The following TTLL11 variants were observed in gnomAD, a reference collection of about 807,000 sequenced individuals.
TTLL11 encodes tubulin tyrosine ligase like 11.
TTLL11 carries 42 observed loss-of-function variants against 51.7 expected under a neutral mutation model. The ratio of observed to expected loss-of-function variants is 0.81; its 90% CI spans 0.64 to 1.05. The LOEUF is 1.05. Among genes scored for constraint, TTLL11 ranks in the 50% least tolerant of loss-of-function variants. The pLI is 0.00. For missense variants in TTLL11, 799 were observed against 940.4 expected, an observed-to-expected ratio of 0.85 and a Z score of 1.97; for synonymous variants, 381 against 383.5, an observed-to-expected ratio of 0.99 and a Z score of 0.08.
At chr9:122,062,575 TCTC>T (rs532640307) in intron 1 of TTLL11, among the ~76,000 whole-genome samples, 1 of 143,510 alleles carries the variant, frequency 7.0e-6, no homozygotes, top group Non-Finnish European at 1.5e-5. Flanking sequence ...TTCAAGCAAT[TCTC>T]CTGCCTCAGC....
At chr9:121,960,738 G>A (rs7850221) in intron 6 of TTLL11, among the ~76,000 whole-genome samples, 11,814 of 152,190 alleles carry the variant, frequency 0.078, 698 homozygotes, top group African/African-American at 0.16. Context: ...GCGCAGTCCG[G>A]GGGAAGAAAA....
chr9:121,992,573 A>G (rs991701321), intron 3 of TTLL11, among the ~76,000 whole-genome samples: 1 of 152,232 alleles, frequency 6.6e-6, no homozygotes, highest in Non-Finnish European at 1.5e-5. Context: ...ATCTGAAACC[A>G]ACATATTGAA....
At chr9:121,902,229 C>T (rs923898548) in intron 6 of TTLL11, among the ~76,000 whole-genome samples, 2 of 152,130 alleles carry the variant, frequency 1.3e-5, no homozygotes, top group African/African-American at 4.8e-5. Context: ...TAAAATAGAT[C>T]CTCCGTATTT....
Position 121,989,922 on chromosome 9 carries a change from C to A in TTLL11, c.694-152G>T. The A allele has an allele frequency of 1.4e-6, 2 of 1,450,092 alleles. No homozygotes were observed. 89.8% of individuals were successfully genotyped at this position (1,450,092 alleles called of 1,614,324 possible). A position where few individuals can be genotyped will look rare whatever the true frequency, so the allele number is the denominator to read the frequency against. ...CTGAGCATCTTCCATGGAGATGACA[C>A]TGCACAAGGTACTGAGATGGTGACA... On this transcript the variant is annotated intron_variant, in intron 3 of 8. Coordinates refer to ENST00000321582, the MANE Select transcript of TTLL11 (RefSeq NM_001139442.2). The surrounding 1 kb of genome is among the most constrained non-coding windows in gnomAD (Gnocchi z 4.2).
At position 121,890,791 on chromosome 9, in the gene TTLL11, G is replaced by A. The variant is rs908582412; in HGVS notation, c.1482-20043C>T. Among the ~76,000 whole-genome samples, 2 of 151,992 alleles carry A rather than the reference G, an allele frequency of 1.3e-5. No individual in the cohort carries two copies. Among genetic ancestry groups the A allele is most frequent in the Non-Finnish European group, 2.9e-5 (2 of 68,036 alleles). On this transcript the variant is annotated intron_variant, in intron 6 of 8. Transcript: ENST00000321582. The surrounding 1 kb of genome is among the most constrained non-coding windows in gnomAD (Gnocchi z 4.3). Reference sequence around the variant, plus strand: ...TGGCTAGGTGCATGAATGCATGAATGGGTGCATGAATGCATGAATGACTGG... The same window carrying A: ...TGGCTAGGTGCATGAATGCATGAATAGGTGCATGAATGCATGAATGACTGG...
At chr9:121,849,485 A>T (rs1302505446) in intron 8 of TTLL11, among the ~76,000 whole-genome samples, 1 of 152,224 alleles carries the variant, frequency 6.6e-6, no homozygotes. Flanking sequence ...CTGGGAGAAA[A>T]GTATATGCAA....
At position 121,989,781 on chromosome 9, in the gene TTLL11, A is replaced by G. The variant is rs368735368; in HGVS notation, c.694-11T>C. 4 of 1,575,814 alleles carry G rather than the reference A, an allele frequency of 2.5e-6. No individual in the cohort carries two copies. Among genetic ancestry groups the G allele is most frequent in the Non-Finnish European group, 3.4e-6 (4 of 1,160,728 alleles). On this transcript the variant is annotated splice_polypyrimidine_tract_variant and intron_variant, in intron 3 of 8. Coordinates refer to ENST00000321582, the MANE Select transcript of TTLL11 (RefSeq NM_001139442.2). The surrounding 1 kb of genome is among the most constrained non-coding windows in gnomAD (Gnocchi z 4.2). ...TTTCACCATTTGAACCTGGAGGGGG[A>G]AAAAAGGATGGCCGACATTATATTG...
intron 1 of TTLL11, among the ~76,000 whole-genome samples, chr9:122,050,920 C>A (rs1845140164): frequency 6.6e-6 from 1 of 152,048 alleles, no homozygotes; most frequent in Non-Finnish European, 1.5e-5. Context: ...AAAGCCTAAG[C>A]CAGAACCACC....
intron 3 of TTLL11, among the ~76,000 whole-genome samples, chr9:122,028,978 T>C (rs1844437375): frequency 6.6e-6 from 1 of 152,206 alleles, no homozygotes; most frequent in South Asian, 2.1e-4. Context: ...TGAATTATAA[T>C]GAAAATGTAA....
intron 6 of TTLL11, among the ~76,000 whole-genome samples, chr9:121,925,358 C>T (rs1370668268): frequency 5.9e-5 from 9 of 152,210 alleles, no homozygotes; most frequent in Non-Finnish European, 1.3e-4. Flanking sequence ...TAGGTGGGCT[C>T]CCAGATAGGG....
chr9:122,063,276 C>A (rs1845486319), intron 1 of TTLL11, among the ~76,000 whole-genome samples: 1 of 152,034 alleles, frequency 6.6e-6, no homozygotes. Flanking sequence ...TAATATAAAA[C>A]TTAGGTGAGT....
Position 122,031,811 on chromosome 9 carries a change from C to G in TTLL11, c.605G>C (p.Arg202Thr). ...CTCAGGAAAGAGATTCTGCATGGTT[C>G]TCACTGCTCTGCTCAGAGTAATTTT... ...VRKITLSRAV[R>T]TMQNLFPEEY... Residue 202 changes from arginine to threonine, a missense_variant, in exon 3 of 9, where the codon AGA (arginine) becomes ACA (threonine). Transcript: ENST00000321582. 1.2e-6 allele frequency: 2 copies of G among 1,614,120 alleles called. No homozygotes were observed. The highest frequency in any genetic ancestry group is 1.7e-6 in the Non-Finnish European group (2 of 1,180,018).
chr9:121,855,074 G>A (rs1837774513), intron 8 of TTLL11, among the ~76,000 whole-genome samples: 1 of 152,080 alleles, frequency 6.6e-6, no homozygotes, highest in African/African-American at 2.4e-5. Flanking sequence ...GGGTGCAGAC[G>A]GGGGGTTCCT....
chr9:121,824,510 AACTGAT>A (rs1836689445), intron 8 of TTLL11, among the ~76,000 whole-genome samples: 1 of 151,900 alleles, frequency 6.6e-6, no homozygotes, highest in African/African-American at 2.4e-5. Flanking sequence ...GAAAAAAAGA[AACTGAT>A]AGAGAGGTTA....
intron 4 of TTLL11, among the ~76,000 whole-genome samples, chr9:121,988,638 C>T (rs943874368): frequency 1.6e-4 from 25 of 152,194 alleles, no homozygotes; most frequent in African/African-American, 5.5e-4. Context: ...TCCCTGACCA[C>T]GCCACTCCCG....
At chr9:121,964,490 G>T (rs989093121) in intron 6 of TTLL11, among the ~76,000 whole-genome samples, 1 of 151,996 alleles carries the variant, frequency 6.6e-6, no homozygotes, top group Admixed American at 6.5e-5. Context: ...TAGAGATGGG[G>T]TTTTACCAAG....
chr9:121,895,973 T>TGG (rs1564293506), intron 6 of TTLL11, among the ~76,000 whole-genome samples: 2 of 73,154 alleles, frequency 2.7e-5, no homozygotes, highest in African/African-American at 8.9e-5. Context: ...GGTGTGGGTG[T>TGG]GTGTCTGTGG....
intron 6 of TTLL11, among the ~76,000 whole-genome samples, chr9:121,950,800 G>A (rs4837921): frequency 0.21 from 32,412 of 152,146 alleles, 4,169 homozygotes; most frequent in Non-Finnish European, 0.3. Flanking sequence ...GGCTCCTAAC[G>A]ACACGAGCTC....
chr9:121,837,910 C>T (rs1837225469), intron 8 of TTLL11, among the ~76,000 whole-genome samples: 1 of 152,210 alleles, frequency 6.6e-6, no homozygotes, highest in South Asian at 2.1e-4. Flanking sequence ...ACACGGTCTT[C>T]CCACGTCTGT....
Sources: gnomAD v4.1 joint callset for allele counts (sites outside exome capture counted in the v4.1 genomes callset) on GRCh38, gnomAD v4.1.1 for gene constraint, Gnocchi (gnomAD v3.1) non-coding constraint, MANE v1.5 for transcripts, NCBI Gene and HGNC (gene_info 2026-07-23, HGNC 2026-07-21) for gene names.